TRIP12: variants seen among roughly 807,000 people sequenced by gnomAD.
TRIP12 encodes E3 ubiquitin-protein ligase TRIP12.
TRIP12 carries 25 observed loss-of-function variants against 244.2 expected under a neutral mutation model. The observed-to-expected ratio is 0.10, with a 90% CI of 0.07 to 0.14. The LOEUF is 0.14. Among genes scored for constraint, TRIP12 ranks in the 10% least tolerant of loss-of-function variants. The pLI, the probability that TRIP12 is intolerant of heterozygous loss-of-function variation, is 1.00. For synonymous variants in TRIP12, 905 were observed against 873.1 expected, an observed-to-expected ratio of 1.04 and a Z score of -0.64; for missense variants, 1,677 against 2,486.4, an observed-to-expected ratio of 0.67 and a Z score of 6.92.
At chr2:229,795,828 A>G (rs2042669475) in intron 25 of TRIP12, among the ~76,000 whole-genome samples, 1 of 152,330 alleles carries the variant, frequency 6.6e-6, no homozygotes, top group South Asian at 2.1e-4. Flanking sequence ...TAATACTGTC[A>G]CGCTTCTAAT....
intron 4 of TRIP12, among the ~76,000 whole-genome samples, chr2:229,856,055 A>G (rs1351350534): frequency 6.6e-6 from 1 of 152,014 alleles, no homozygotes; most frequent in Non-Finnish European, 1.5e-5. Flanking sequence ...AAAAAAAAAA[A>G]AAGTGTATCC....
chr2:229,784,599 A>G (rs911630855), intron 34 of TRIP12, among the ~76,000 whole-genome samples: 5 of 152,032 alleles, frequency 3.3e-5, no homozygotes, highest in African/African-American at 7.2e-5. Context: ...TGAAAAGATA[A>G]GCCACAAACT....
At chr2:229,808,125 C>A in intron 16 of TRIP12, 127 bp downstream of exon 16, 1 of 761,142 alleles carries the variant, frequency 1.3e-6, no homozygotes, top group Non-Finnish European at 2.1e-6. Flanking sequence ...CGCCACTACG[C>A]CCAGGTAATT....
chr2:229,785,645 G>A, intron 34 of TRIP12, 112 bp downstream of exon 34: 1 of 964,836 alleles, frequency 1.0e-6, no homozygotes, highest in Non-Finnish European at 1.5e-6. Flanking sequence ...AGAGAAAAGA[G>A]AGCAAAGTCT....
At chr2:229,880,321 G>A (rs757759199) in intron 1 of TRIP12, among the ~76,000 whole-genome samples, 193 bp from the exon 2 acceptor site, 1 of 152,164 alleles carries the variant, frequency 6.6e-6, no homozygotes, top group Admixed American at 6.5e-5. Context: ...CAGGGTACGT[G>A]TAACATATTC....
chr2:229,806,430 T>C (rs1271147848), intron 17 of TRIP12, among the ~76,000 whole-genome samples: 2 of 152,184 alleles, frequency 1.3e-5, no homozygotes, highest in East Asian at 1.9e-4. Context: ...CATATTTAAA[T>C]TGACACAGTT....
chr2:229,849,935 CAAA>C (rs34774134), intron 4 of TRIP12, among the ~76,000 whole-genome samples: 3 of 143,740 alleles, frequency 2.1e-5, no homozygotes, highest in African/African-American at 2.5e-5. Context: ...TAATACACAC[CAAA>C]AAAAAAAAAA....
chr2:229,870,415 G>T (rs1322277575), intron 2 of TRIP12, among the ~76,000 whole-genome samples: 1 of 152,204 alleles, frequency 6.6e-6, no homozygotes, highest in Non-Finnish European at 1.5e-5. Context: ...GTAACGTAAG[G>T]ACAGATGAAC....
intron 4 of TRIP12, among the ~76,000 whole-genome samples, chr2:229,856,040 A>AG (rs1452439951): frequency 6.7e-6 from 1 of 148,600 alleles, no homozygotes; most frequent in Non-Finnish European, 1.5e-5. Flanking sequence ...ACTCTGTCTC[A>AG]GAAAAAAAAA....
chr2:229,916,307 C>G (rs2075361906), intron 1 of TRIP12, among the ~76,000 whole-genome samples: 1 of 152,208 alleles, frequency 6.6e-6, no homozygotes, highest in African/African-American at 2.4e-5. Flanking sequence ...GCCTTCAAAT[C>G]AGATAATCAC....
chr2:229,823,730 G>A (rs1413222656), intron 8 of TRIP12, among the ~76,000 whole-genome samples: 1 of 151,858 alleles, frequency 6.6e-6, no homozygotes, highest in Non-Finnish European at 1.5e-5. Flanking sequence ...GCACATGCCT[G>A]TAACCCCAGC....
intron 37 of TRIP12, among the ~76,000 whole-genome samples, chr2:229,775,963 A>C (rs1053156497): frequency 9.2e-5 from 14 of 152,108 alleles, no homozygotes; most frequent in East Asian, 3.9e-4. Flanking sequence ...AAATCTCAAA[A>C]AAACAAACAA....
chr2:229,769,155 G>A (rs868064407), intron 40 of TRIP12, 76 bp downstream of exon 40: 6 of 1,248,606 alleles, frequency 4.8e-6, no homozygotes, highest in South Asian at 2.7e-5. Context: ...ACACATGTGC[G>A]CATGTGTGTG....
rs773309305 is a variant in TRIP12 at position 229,778,415 on chromosome 2, AAACCAT to A, written c.5364+12_5364+17del. 1.2e-5 allele frequency: 20 copies of A among 1,613,418 alleles called. No homozygotes were observed. The East Asian group carries it at 4.0e-4, about 32-fold the overall frequency. ...ATTCTACACCAAAACTGCAAAAAGCAAACCATCCTAAACTTACCAATCTGAAATCCA... is the reference window on the plus strand; with the variant it reads ...ATTCTACACCAAAACTGCAAAAAGCACCTAAACTTACCAATCTGAAATCCA... On this transcript the variant is annotated intron_variant, in intron 36 of 41. Coordinates refer to ENST00000675903, the MANE Select transcript of TRIP12 (RefSeq NM_001348323.3). This position sits in a 1 kb window ranked among gnomAD's most constrained non-coding sequence, Gnocchi z 4.1.
intron 8 of TRIP12, among the ~76,000 whole-genome samples, chr2:229,828,643 C>T (rs2052414855): frequency 6.6e-6 from 1 of 151,984 alleles, no homozygotes; most frequent in Non-Finnish European, 1.5e-5. Context: ...TGATGGCACA[C>T]ACCTGTAATC....
chr2:229,816,609 C>T (rs968841250), intron 9 of TRIP12, among the ~76,000 whole-genome samples: 4 of 152,036 alleles, frequency 2.6e-5, no homozygotes, highest in Admixed American at 2.0e-4. Context: ...TTATTAATAG[C>T]GAGAGCATAC....
intron 2 of TRIP12, among the ~76,000 whole-genome samples, chr2:229,867,275 C>T (rs1318494415): frequency 3.3e-5 from 5 of 151,168 alleles, no homozygotes; most frequent in Non-Finnish European, 7.4e-5. Context: ...AAGAGATTCT[C>T]CTGCCTCAGC....
At chr2:229,856,613 G>A (rs1190273407) in intron 4 of TRIP12, among the ~76,000 whole-genome samples, 1 of 152,202 alleles carries the variant, frequency 6.6e-6, no homozygotes, top group African/African-American at 2.4e-5. Flanking sequence ...AGACTGGAAG[G>A]CAGAAGGGGA....
intron 1 of TRIP12, among the ~76,000 whole-genome samples, chr2:229,893,567 T>C (rs929708005): frequency 2.0e-5 from 3 of 152,194 alleles, no homozygotes; most frequent in Admixed American, 2.0e-4. Flanking sequence ...TACTCCTTTG[T>C]GTAAGGCTTC....
Sources: allele counts gnomAD v4.1 joint callset (sites outside exome capture counted in the v4.1 genomes callset), GRCh38; gene constraint gnomAD v4.1.1; non-coding constraint Gnocchi (gnomAD v3.1); transcripts MANE v1.5; gene names NCBI Gene and HGNC (gene_info 2026-07-23, HGNC 2026-07-21).